Variants in IKZF3 observed in about 807,000 individuals in gnomAD.
IKZF3 encodes the protein IKAROS family zinc finger 3.
IKZF3 carries 10 observed loss-of-function variants against 49.0 expected under a neutral mutation model. The observed-to-expected ratio is 0.20, with a 90% CI of 0.13 to 0.35. The LOEUF is 0.35. Ranked by LOEUF, IKZF3 falls within the 10% of genes least tolerant of loss-of-function variation. The pLI, the probability that IKZF3 is intolerant of heterozygous loss-of-function variation, is 1.00. For missense variants in IKZF3, 498 were observed against 664.8 expected (o/e 0.75, Z 2.76); for synonymous variants, 209 against 228.2 (o/e 0.92, Z 0.76).
chr17:39,794,089 A>T (rs1450723654), intron 3 of IKZF3, among the ~76,000 whole-genome samples: 1 of 152,026 alleles, frequency 6.6e-6, no homozygotes, highest in African/African-American at 2.4e-5. Flanking sequence ...GCTGGAAGGG[A>T]ATTTAAAGGT....
chr17:39,764,885 C>T lies in IKZF3; in HGVS notation c.*905G>A, dbSNP rs1210038401. On this transcript the variant is annotated 3_prime_UTR_variant, in exon 8 of 8. Coordinates refer to ENST00000346872, the MANE Select transcript of IKZF3 (RefSeq NM_012481.5). ...TATCATTGGCAAATTTGCTTTGGGT[C>T]TGTATCACCAATTCTCCATGAACTC... is the stretch of plus-strand genomic sequence containing the variant. 6.6e-6 allele frequency: 1 copy of T among 152,312 alleles called. No individual in the cohort carries two copies. The highest frequency in any genetic ancestry group is 2.4e-5 in the African/African-American group (1 of 41,436). The allele number at this position is 152,312 out of a possible 1,614,324, so 9.4% of individuals were successfully genotyped here.
chr17:39,784,409 C>CTT (rs35165958), intron 6 of IKZF3, among the ~76,000 whole-genome samples: 69 of 144,334 alleles, frequency 4.8e-4, no homozygotes, highest in East Asian at 1.6e-3. Flanking sequence ...TCACTAGTGT[C>CTT]TTTTTTTTTT....
At chr17:39,824,602 T>C (rs1376447973) in intron 3 of IKZF3, among the ~76,000 whole-genome samples, 1 of 152,006 alleles carries the variant, frequency 6.6e-6, no homozygotes, top group African/African-American at 2.4e-5. Context: ...AAGGACCCGG[T>C]GGGATTGAAT....
At chr17:39,836,358 T>C (rs2062281569) in intron 1 of IKZF3, among the ~76,000 whole-genome samples, 1 of 152,270 alleles carries the variant, frequency 6.6e-6, no homozygotes, top group Admixed American at 6.5e-5. Context: ...GAGTGGCTGC[T>C]GAAGGTCCGG....
intron 5 of IKZF3, among the ~76,000 whole-genome samples, chr17:39,790,798 G>A (rs1057437684): frequency 3.8e-4 from 57 of 151,750 alleles, no homozygotes; most frequent in African/African-American, 1.3e-3. Context: ...GCTCCTGCCT[G>A]TAATCCCAGC....
intron 1 of IKZF3, among the ~76,000 whole-genome samples, chr17:39,852,583 A>G (rs1020254394): frequency 6.6e-6 from 1 of 151,790 alleles, no homozygotes; most frequent in Non-Finnish European, 1.5e-5. Flanking sequence ...CTTCTCCTCT[A>G]CCTGACCAAA....
chr17:39,786,835 T>A (rs563261158), intron 6 of IKZF3, among the ~76,000 whole-genome samples: 19 of 152,284 alleles, frequency 1.2e-4, no homozygotes, highest in African/African-American at 4.1e-4. Context: ...ATTTCCTTTA[T>A]CAAATTAGAA....
chr17:39,770,801 G>T (rs1241253831), intron 7 of IKZF3, among the ~76,000 whole-genome samples: 2 of 147,796 alleles, frequency 1.4e-5, no homozygotes, highest in African/African-American at 5.1e-5. Flanking sequence ...CCCATTAGGG[G>T]TTGATACTTT....
chr17:39,776,485 G>C (rs1049719685), intron 7 of IKZF3, among the ~76,000 whole-genome samples: 1 of 152,194 alleles, frequency 6.6e-6, no homozygotes, highest in Non-Finnish European at 1.5e-5. Context: ...ACAGCAAGGA[G>C]GAGGGGATCT....
intron 1 of IKZF3, among the ~76,000 whole-genome samples, chr17:39,842,359 T>C (rs146319918): frequency 6.6e-6 from 1 of 152,268 alleles, no homozygotes; most frequent in East Asian, 1.9e-4. Flanking sequence ...CGAAACCCCA[T>C]CTCTACCAGA....
chr17:39,810,477 A>T (rs1350210231), intron 3 of IKZF3, among the ~76,000 whole-genome samples: 2 of 152,178 alleles, frequency 1.3e-5, no homozygotes, highest in Admixed American at 6.5e-5. Flanking sequence ...AAAATACATA[A>T]GTAAGCTTTT....
At chr17:39,782,251 TGAAAC>T (rs1417628300) in intron 6 of IKZF3, among the ~76,000 whole-genome samples, 1 of 152,130 alleles carries the variant, frequency 6.6e-6, no homozygotes, top group Non-Finnish European at 1.5e-5. Context: ...GAGTGCCCTT[TGAAAC>T]ACAAAGAGCC....
At chr17:39,794,361 TA>T (rs2061109328) in intron 3 of IKZF3, among the ~76,000 whole-genome samples, 1 of 152,316 alleles carries the variant, frequency 6.6e-6, no homozygotes, top group East Asian at 1.9e-4. Context: ...AAAGATATTT[TA>T]AAAAACTACA....
intron 3 of IKZF3, among the ~76,000 whole-genome samples, chr17:39,815,992 A>G: frequency 6.6e-6 from 1 of 152,202 alleles, no homozygotes; most frequent in East Asian, 1.9e-4. Flanking sequence ...GTGTTTAAAT[A>G]AGTACTAACT....
intron 7 of IKZF3, among the ~76,000 whole-genome samples, chr17:39,769,592 G>A (rs780263705): frequency 7.2e-5 from 11 of 152,302 alleles, no homozygotes; most frequent in Non-Finnish European, 1.6e-4. Flanking sequence ...GCCAGCTAAG[G>A]TCACAGACAT....
At chr17:39,800,974 G>A (rs890267054) in intron 3 of IKZF3, among the ~76,000 whole-genome samples, 1 of 152,172 alleles carries the variant, frequency 6.6e-6, no homozygotes, top group Non-Finnish European at 1.5e-5. Flanking sequence ...TGGGTATCTT[G>A]GAGAGCATGT....
At chr17:39,791,308 G>A (rs2061015097) in intron 5 of IKZF3, 108 bp downstream of exon 5, 1 of 1,194,770 alleles carries the variant, frequency 8.4e-7, no homozygotes, top group East Asian at 2.4e-5. Flanking sequence ...TAACCCTTCA[G>A]AACAAGAATG....
chr17:39,822,153 A>C (rs1158808093), intron 3 of IKZF3, among the ~76,000 whole-genome samples: 1 of 152,200 alleles, frequency 6.6e-6, no homozygotes, highest in Non-Finnish European at 1.5e-5. Context: ...GGAATACCCC[A>C]GATGAAGCAG....
chr17:39,856,958 C>A (rs2063079037), intron 1 of IKZF3, among the ~76,000 whole-genome samples: 1 of 151,980 alleles, frequency 6.6e-6, no homozygotes, highest in Non-Finnish European at 1.5e-5. Context: ...TAAATTTATA[C>A]ACTGATCATC....
Sources: allele counts gnomAD v4.1 joint callset (sites outside exome capture counted in the v4.1 genomes callset), GRCh38; gene constraint gnomAD v4.1.1; transcripts MANE v1.5; gene names NCBI Gene and HGNC (gene_info 2026-07-23, HGNC 2026-07-21).